The following CCDC192 variants were observed in gnomAD, a reference collection of about 807,000 sequenced individuals.
CCDC192 encodes coiled-coil domain containing 192, also known as coiled-coil domain-containing protein 192.
intron 2 of CCDC192, among the ~76,000 whole-genome samples, chr5:127,743,916 C>T (rs1278160763): frequency 1.3e-5 from 2 of 151,606 alleles, no homozygotes; most frequent in African/African-American, 4.8e-5. Context: ...ACGGTGAAAC[C>T]CCGTCTCTGC....
At chr5:127,763,621 A>G (rs541542219) in intron 3 of CCDC192, among the ~76,000 whole-genome samples, 125 of 152,250 alleles carry the variant, frequency 8.2e-4, no homozygotes, top group African/African-American at 2.9e-3. Context: ...AGATCTTACA[A>G]TGCCATTTAT....
In CCDC192 at chr5:127,875,165, C is replaced by T. The variant is rs146901379; in HGVS notation, c.412-373C>T. 4.2e-3 allele frequency among the ~76,000 whole-genome samples: 644 copies of T among 152,194 alleles called. 3 individuals are homozygous for T. Among genetic ancestry groups the T allele is most frequent in the African/African-American group, 0.015 (616 of 41,514 alleles). On this transcript the variant is annotated intron_variant, in intron 5 of 6. Coordinates refer to ENST00000514853, the MANE Select transcript of CCDC192 (RefSeq NM_001317938.2). ...CAAGGCTCTATTTCATATGAGTCTA[C>T]TTACAGATGGGAAAAAAAATCTGAT...
intron 3 of CCDC192, among the ~76,000 whole-genome samples, chr5:127,775,138 C>T (rs960119097): frequency 1.3e-5 from 2 of 152,074 alleles, no homozygotes; most frequent in African/African-American, 2.4e-5. Context: ...GGTTACACTA[C>T]CCCTCCCTCC....
intron 6 of CCDC192, among the ~76,000 whole-genome samples, chr5:127,883,521 T>C (rs894795676): frequency 2.0e-5 from 3 of 152,228 alleles, no homozygotes; most frequent in African/African-American, 7.2e-5. Flanking sequence ...TGCCTGTTAG[T>C]TATCTCTTCC....
chr5:127,763,041 G>C (rs1274354250), intron 3 of CCDC192, among the ~76,000 whole-genome samples: 1 of 150,574 alleles, frequency 6.6e-6, no homozygotes, highest in East Asian at 1.9e-4. Flanking sequence ...TGGGTTTGCA[G>C]CCCTCTTGTC....
At chr5:127,791,285 C>A (rs1756852946) in intron 3 of CCDC192, among the ~76,000 whole-genome samples, 1 of 152,106 alleles carries the variant, frequency 6.6e-6, no homozygotes, top group African/African-American at 2.4e-5. Flanking sequence ...AAAGTTATTG[C>A]AATATATTAA....
chr5:127,762,440 A>G (rs1335172327), intron 3 of CCDC192, among the ~76,000 whole-genome samples: 1 of 152,260 alleles, frequency 6.6e-6, no homozygotes, highest in Non-Finnish European at 1.5e-5. Flanking sequence ...GTTCATCTTC[A>G]TCTTGTTACT....
At position 127,773,232 on chromosome 5, in the gene CCDC192, C is replaced by T. The variant is rs1755665396; in HGVS notation, c.222+18857C>T. Among the ~76,000 whole-genome samples the T allele has an allele frequency of 2.0e-5, 3 of 152,118 alleles. No homozygotes were observed. The South Asian group carries it at 6.2e-4, about 32-fold the overall frequency. ...ATTCAATGAGTGGATGTAATGCTAA[C>T]AATTTTCTAAACCTAAGAAAATCAT... On this transcript the variant is annotated intron_variant, in intron 3 of 6. Transcript: ENST00000514853.
At chr5:127,718,254 C>G (rs1751753971) in intron 2 of CCDC192, among the ~76,000 whole-genome samples, 2 of 152,072 alleles carry the variant, frequency 1.3e-5, no homozygotes, top group Non-Finnish European at 2.9e-5. Context: ...TAAATGTCAA[C>G]AGACAAAGAA....
At chr5:127,903,609 T>A (rs1276995335) in intron 6 of CCDC192, among the ~76,000 whole-genome samples, 1 of 152,198 alleles carries the variant, frequency 6.6e-6, no homozygotes. Flanking sequence ...GTATGTCTGG[T>A]TCATGCAGGC....
chr5:127,936,743 G>C (rs1017734122), intron 6 of CCDC192, among the ~76,000 whole-genome samples: 1 of 152,228 alleles, frequency 6.6e-6, no homozygotes, highest in African/African-American at 2.4e-5. Flanking sequence ...CCTGGATCCT[G>C]TGGGTGTGGG....
chr5:127,921,741 C>T (rs1198895025), intron 6 of CCDC192, among the ~76,000 whole-genome samples: 1 of 152,034 alleles, frequency 6.6e-6, no homozygotes, highest in African/African-American at 2.4e-5. Context: ...GAGTGTAGGC[C>T]CCGAACCTCC....
At chr5:127,744,660 G>A (rs945847707) in intron 2 of CCDC192, among the ~76,000 whole-genome samples, 11 of 152,158 alleles carry the variant, frequency 7.2e-5, no homozygotes, top group African/African-American at 2.7e-4. Flanking sequence ...TTACAAACTT[G>A]ATTGAATTTC....
At chr5:127,715,035 G>C (rs561774485) in intron 2 of CCDC192, among the ~76,000 whole-genome samples, 1 of 151,910 alleles carries the variant, frequency 6.6e-6, no homozygotes, top group African/African-American at 2.4e-5. Context: ...CGCCTTGTCA[G>C]ATGCATACTT....
intron 6 of CCDC192, among the ~76,000 whole-genome samples, chr5:127,878,583 G>C (rs549702891): frequency 1.3e-5 from 2 of 152,200 alleles, no homozygotes; most frequent in African/African-American, 2.4e-5. Flanking sequence ...TTGAACCTGG[G>C]AGGCAGAGGT....
chr5:127,770,232 A>G (rs1200809911), intron 3 of CCDC192, among the ~76,000 whole-genome samples: 2 of 152,202 alleles, frequency 1.3e-5, no homozygotes, highest in Non-Finnish European at 2.9e-5. Flanking sequence ...TTACAGGTGC[A>G]AGCCACCAAA....
intron 6 of CCDC192, among the ~76,000 whole-genome samples, chr5:127,876,319 C>G (rs1175341942): frequency 6.6e-6 from 1 of 152,122 alleles, no homozygotes; most frequent in Non-Finnish European, 1.5e-5. Flanking sequence ...TAATACAGTG[C>G]TATGGGCCAG....
intron 5 of CCDC192, among the ~76,000 whole-genome samples, chr5:127,817,039 T>C (rs973777291): frequency 5.9e-5 from 9 of 152,260 alleles, no homozygotes; most frequent in African/African-American, 2.2e-4. Context: ...ATATTATTAG[T>C]TATTCATATT....
At chr5:127,739,189 G>A (rs575964778) in intron 2 of CCDC192, among the ~76,000 whole-genome samples, 12 of 152,154 alleles carry the variant, frequency 7.9e-5, no homozygotes, top group Non-Finnish European at 1.5e-4. Context: ...ATACCCTGCC[G>A]TGTGAGGTGT....
Sources: gnomAD v4.1 joint callset for allele counts (sites outside exome capture counted in the v4.1 genomes callset) on GRCh38, gnomAD v4.1.1 for gene constraint, MANE v1.5 for transcripts, NCBI Gene and HGNC (gene_info 2026-07-23, HGNC 2026-07-21) for gene names.